Variants in SLMAP observed in about 807,000 individuals in gnomAD.
SLMAP encodes sarcolemma associated protein.
In SLMAP, 44 loss-of-function variants were observed where a neutral mutation model predicts 128.8. The observed-to-expected ratio is 0.34, with a 90% CI of 0.27 to 0.44. The LOEUF (loss-of-function observed/expected upper bound fraction) is 0.44, where lower values mean the gene tolerates loss of function less well. SLMAP is among the 20% of genes least tolerant of loss of function. The pLI, the probability that SLMAP is intolerant of heterozygous loss-of-function variation, is 1.00. For missense variants in SLMAP, 787 were observed against 985.3 expected, an observed-to-expected ratio of 0.80 and a Z score of 2.69; for synonymous variants, 327 against 348.8, an observed-to-expected ratio of 0.94 and a Z score of 0.70.
intron 6 of SLMAP, among the ~76,000 whole-genome samples, chr3:57,856,906 C>T (rs1290383128): frequency 2.0e-5 from 3 of 152,002 alleles, no homozygotes; most frequent in Non-Finnish European, 2.9e-5. Flanking sequence ...TGTCATTAAG[C>T]GATAGAAATT....
rs144119360 is a variant in SLMAP, at chr3:57,784,223, C to T, written c.198+26374C>T. 2.6e-5 allele frequency among the ~76,000 whole-genome samples: 4 copies of T among 152,166 alleles called. No individual in the cohort carries two copies. The East Asian group carries it at 5.8e-4, about 22-fold the overall frequency. ...ATAGGGCCACCAGCATATAACTGCA[C>T]CCTGGAAAGGCTGCAGGCATAAGAC... On this transcript the variant is annotated intron_variant, in intron 2 of 24. Transcript: ENST00000671191.
intron 22 of SLMAP, among the ~76,000 whole-genome samples, chr3:57,922,425 C>CTTTTTTT (rs72397483): frequency 8.0e-6 from 1 of 124,990 alleles, no homozygotes; most frequent in African/African-American, 3.0e-5. Flanking sequence ...AAAGGCTTTT[C>CTTTTTTT]TTTTTTTTTT....
chr3:57,843,099 C>T (rs2094019828), intron 4 of SLMAP, among the ~76,000 whole-genome samples: 1 of 152,080 alleles, frequency 6.6e-6, no homozygotes. Flanking sequence ...TTACTGTAAA[C>T]TAATTTTTAA....
At chr3:57,761,126 G>T (rs1328017840) in intron 2 of SLMAP, among the ~76,000 whole-genome samples, 2 of 151,820 alleles carry the variant, frequency 1.3e-5, no homozygotes, top group Admixed American at 1.3e-4. Context: ...CCCTGTCCCT[G>T]GCTCTTACTA....
chr3:57,837,980 G>A (rs1388992422), intron 3 of SLMAP, among the ~76,000 whole-genome samples: 2 of 152,164 alleles, frequency 1.3e-5, no homozygotes, highest in East Asian at 3.9e-4. Context: ...CAACTGTGCA[G>A]CAACTCTGTA....
chr3:57,827,718 G>T (rs1185763991), intron 2 of SLMAP, among the ~76,000 whole-genome samples: 1 of 152,128 alleles, frequency 6.6e-6, no homozygotes, highest in African/African-American at 2.4e-5. Context: ...TTAGGCTACT[G>T]GGAAAGAAAG....
At position 57,805,712 on chromosome 3, in the gene SLMAP, A is replaced by T. The variant is rs186708554; in HGVS notation, c.199-25671A>T. ...CCTATAGTCGCAAGTTCTCTATATG[A>T]TAAAGGTTGTACTGCATGATATGTC... On this transcript the variant is annotated intron_variant, in intron 2 of 24. Coordinates refer to ENST00000671191, the MANE Select transcript of SLMAP (RefSeq NM_001377540.1). Among the ~76,000 whole-genome samples the T allele has an allele frequency of 2.0e-3, 310 of 152,258 alleles. 1 individual carries two copies. The highest frequency in any genetic ancestry group is 3.3e-3 in the Admixed American group (51 of 15,304).
chr3:57,859,014 T>A lies in SLMAP; in HGVS notation c.687+855T>A, dbSNP rs2094921777. Among the ~76,000 whole-genome samples, 3 of 152,188 alleles carry A rather than the reference T, an allele frequency of 2.0e-5. No homozygotes were observed. The South Asian group carries it at 6.2e-4, about 31-fold the overall frequency. ...TCTGTTATTCCTTCACTTATTTAGC[T>A]GGGTTACTTCTATAAAGAGAAGTTT... On this transcript the variant is annotated intron_variant, in intron 8 of 24. Transcript: ENST00000671191.
chr3:57,849,184 C>A (rs528036068), intron 5 of SLMAP, among the ~76,000 whole-genome samples: 1 of 152,088 alleles, frequency 6.6e-6, no homozygotes, highest in Non-Finnish European at 1.5e-5. Flanking sequence ...CCACTGCGCC[C>A]GGCCCTTTTT....
intron 3 of SLMAP, among the ~76,000 whole-genome samples, chr3:57,835,902 A>G (rs1285152457): frequency 6.6e-6 from 1 of 152,174 alleles, no homozygotes; most frequent in Non-Finnish European, 1.5e-5. Flanking sequence ...GTGCTTTTGA[A>G]TACACTTATA....
chr3:57,786,835 G>A (rs1451205551), intron 2 of SLMAP, among the ~76,000 whole-genome samples: 4 of 149,982 alleles, frequency 2.7e-5, no homozygotes, highest in Admixed American at 1.3e-4. Context: ...CCAGGTTCAC[G>A]CCATTCTCCT....
chr3:57,889,857 G>A lies in SLMAP; in HGVS notation c.1301-184G>A, dbSNP rs143033027. On this transcript the variant is annotated intron_variant, in intron 14 of 24. Coordinates refer to ENST00000671191, the MANE Select transcript of SLMAP (RefSeq NM_001377540.1). Reference sequence around the variant, plus strand: ...CCTGCCCCTAGTTTTCTGCATTAACGTGATTGCTCCGTCATAGTTCCAGTT... The same window carrying A: ...CCTGCCCCTAGTTTTCTGCATTAACATGATTGCTCCGTCATAGTTCCAGTT... The A allele has an allele frequency of 8.8e-4, 410 of 465,948 alleles. 5 individuals carry two copies. The East Asian group carries it at 0.012, about 14-fold the overall frequency. 28.9% of individuals were successfully genotyped at this position (465,948 alleles called of 1,614,324 possible).
chr3:57,858,669 G>A (rs1380675331), intron 8 of SLMAP, among the ~76,000 whole-genome samples: 2 of 152,124 alleles, frequency 1.3e-5, no homozygotes, highest in Non-Finnish European at 2.9e-5. Flanking sequence ...AAGGCTGGGC[G>A]CAGTGGCTCA....
chr3:57,811,983 T>C (rs891301411), intron 2 of SLMAP, among the ~76,000 whole-genome samples: 19 of 152,226 alleles, frequency 1.2e-4, no homozygotes, highest in African/African-American at 3.9e-4. Flanking sequence ...CAATCCCTTA[T>C]CAAATGTATG....
intron 2 of SLMAP, 50 bp downstream of exon 2, chr3:57,757,899 C>T (rs114373822): frequency 5.2e-6 from 8 of 1,549,494 alleles, no homozygotes; most frequent in Admixed American, 1.7e-5. Flanking sequence ...CTTTTTTTCC[C>T]CTTTTGCCCT....
intron 22 of SLMAP, 38 bp from the exon 23 acceptor site, chr3:57,922,851 A>G: frequency 6.3e-7 from 1 of 1,595,160 alleles, no homozygotes; most frequent in South Asian, 1.1e-5. Context: ...TACCCATTTT[A>G]AGTTGTATCT....
At chr3:57,888,518 G>A (rs966125154) in intron 14 of SLMAP, among the ~76,000 whole-genome samples, 4 of 151,850 alleles carry the variant, frequency 2.6e-5, no homozygotes, top group African/African-American at 4.8e-5. Context: ...TTGGGAGGCC[G>A]AGGCAGGAGA....
chr3:57,882,749 T>C (rs2095781042), intron 14 of SLMAP, among the ~76,000 whole-genome samples: 2 of 152,174 alleles, frequency 1.3e-5, no homozygotes, highest in African/African-American at 4.8e-5. Flanking sequence ...TTGTAGGCCA[T>C]GATAGGAACT....
chr3:57,900,119 A>C (rs1252503935), intron 17 of SLMAP: 1 of 152,226 alleles, frequency 6.6e-6, no homozygotes, highest in Admixed American at 6.5e-5. Context: ...GCTACATATA[A>C]GTAGCCTCTT....
Sources: gnomAD v4.1 joint callset for allele counts (sites outside exome capture counted in the v4.1 genomes callset) on GRCh38, gnomAD v4.1.1 for gene constraint, MANE v1.5 for transcripts, NCBI Gene and HGNC (gene_info 2026-07-23, HGNC 2026-07-21) for gene names.